The following LRP1B variants were observed in gnomAD, a reference collection of about 807,000 sequenced individuals.
LRP1B encodes low-density lipoprotein receptor-related protein 1B.
In LRP1B, 217 loss-of-function variants were observed where a neutral mutation model predicts 556.6. The ratio of observed to expected loss-of-function variants is 0.39; its 90% CI spans 0.35 to 0.44. The LOEUF (loss-of-function observed/expected upper bound fraction) is 0.44, where lower values mean the gene tolerates loss of function less well. LRP1B is among the 20% of genes least tolerant of loss of function. The probability of loss-of-function intolerance (pLI) is 1.00; values close to 1 mark genes in which losing one functional copy is unlikely to be tolerated. For synonymous variants in LRP1B, 2,047 were observed against 1,865.8 expected (o/e 1.10, Z -2.50); for missense variants, 5,053 against 5,620.8 (o/e 0.90, Z 3.23).
intron 2 of LRP1B, among the ~76,000 whole-genome samples, chr2:141,685,504 A>T (rs977946473): frequency 3.3e-5 from 5 of 152,098 alleles, no homozygotes; most frequent in Non-Finnish European, 7.4e-5. Flanking sequence ...ATAAGTACAC[A>T]TCTTAATTTC....
intron 2 of LRP1B, among the ~76,000 whole-genome samples, chr2:141,640,848 A>T (rs1689303466): frequency 6.6e-6 from 1 of 151,976 alleles, no homozygotes; most frequent in Non-Finnish European, 1.5e-5. Flanking sequence ...CTTGTACTCT[A>T]TTGGTTCTTC....
chr2:140,737,646 A>G (rs1447204630), intron 35 of LRP1B, among the ~76,000 whole-genome samples: 3 of 152,178 alleles, frequency 2.0e-5, no homozygotes. Flanking sequence ...CACTACCACC[A>G]CTATTCAACC....
chr2:140,593,023 T>C (rs1428975897), intron 43 of LRP1B, among the ~76,000 whole-genome samples: 1 of 152,044 alleles, frequency 6.6e-6, no homozygotes, highest in Admixed American at 6.6e-5. Flanking sequence ...AAATATCTCA[T>C]TACTTTCTGA....
chr2:142,023,331 C>T (rs1000401233), intron 1 of LRP1B, among the ~76,000 whole-genome samples: 1 of 152,038 alleles, frequency 6.6e-6, no homozygotes, highest in Non-Finnish European at 1.5e-5. Flanking sequence ...TATTGGTATC[C>T]GCGTATTCAT....
At chr2:140,717,661 G>A (rs1246510640) in intron 35 of LRP1B, among the ~76,000 whole-genome samples, 2 of 152,134 alleles carry the variant, frequency 1.3e-5, no homozygotes, top group Non-Finnish European at 2.9e-5. Context: ...AAATTTGCCA[G>A]CAACTAAGTA....
chr2:140,666,154 C>T (rs1009721228), intron 41 of LRP1B, among the ~76,000 whole-genome samples: 25 of 151,880 alleles, frequency 1.6e-4, no homozygotes, highest in Non-Finnish European at 1.6e-4. Flanking sequence ...CCACTGTGCC[C>T]GGCTAATTTT....
chr2:141,883,996 T>A (rs185635472), intron 1 of LRP1B, among the ~76,000 whole-genome samples: 1 of 152,290 alleles, frequency 6.6e-6, no homozygotes, highest in African/African-American at 2.4e-5. Flanking sequence ...ACCAAATTGT[T>A]TTTCATTTAC....
In LRP1B at chr2:140,886,265, G is replaced by T. The variant is rs1297456010; in HGVS notation, c.3837C>A (p.Asp1279Glu). The change falls in exon 24 of 91, where the codon GAC becomes GAA. Residue 1279 changes from aspartate to glutamate, a missense_variant. Coordinates refer to ENST00000389484, the MANE Select transcript of LRP1B (RefSeq NM_018557.3). ...TCAATCCAGGAACAAGTAGACTATA[G>T]TCTCTTTTGTGAAGATCAATCCTTC... is the stretch of plus-strand genomic sequence containing the variant. Reference protein sequence around the residue: ...EIRRIDLHKRDYSLLVPGLRN... With the variant: ...EIRRIDLHKREYSLLVPGLRN... 1.2e-6 allele frequency: 2 copies of T among 1,609,584 alleles called. No individual in the cohort carries two copies. Among genetic ancestry groups the T allele is most frequent in the East Asian group, 4.5e-5 (2 of 44,644 alleles).
At chr2:141,662,423 G>A (rs1690256284) in intron 2 of LRP1B, among the ~76,000 whole-genome samples, 1 of 152,040 alleles carries the variant, frequency 6.6e-6, no homozygotes. Flanking sequence ...AAAGTGCTGT[G>A]TCCAAGAGAC....
In LRP1B at chr2:141,407,133, T is replaced by C. The variant is rs947977589; in HGVS notation, c.343+73263A>G. On this transcript the variant is annotated intron_variant, in intron 3 of 90. Transcript: ENST00000389484. The stretch of plus-strand genomic sequence containing the variant: ...ACATACTTTTTGGGCTGTCAATAAA[T>C]AGAAACTTTTTTTGGTGAGGGATGC... Among the ~76,000 whole-genome samples, 23 of 4,162 alleles carry C rather than the reference T, an allele frequency of 5.5e-3. No individual in the cohort carries two copies. The Admixed American group carries it at 0.065, about 12-fold the overall frequency. The allele number at this position is 4,162 out of a possible 152,430, so 2.7% of individuals were successfully genotyped here. A position where few individuals can be genotyped will look rare whatever the true frequency, so the allele number is the denominator to read the frequency against.
At chr2:141,706,819 A>G (rs1198250623) in intron 2 of LRP1B, among the ~76,000 whole-genome samples, 1 of 152,120 alleles carries the variant, frequency 6.6e-6, no homozygotes, top group Admixed American at 6.6e-5. Context: ...CATTACATCT[A>G]CAAATTAATA....
intron 6 of LRP1B, among the ~76,000 whole-genome samples, chr2:141,191,967 A>T (rs1681533807): frequency 6.6e-6 from 1 of 151,898 alleles, no homozygotes; most frequent in Non-Finnish European, 1.5e-5. Context: ...CAGCATTCAT[A>T]CCTTCTCTCA....
chr2:141,675,202 T>A (rs114407382), intron 2 of LRP1B, among the ~76,000 whole-genome samples: 2 of 151,942 alleles, frequency 1.3e-5, no homozygotes, highest in Non-Finnish European at 2.9e-5. Context: ...ATTCTTAAAT[T>A]TTTGTTTTAT....
intron 1 of LRP1B, among the ~76,000 whole-genome samples, chr2:142,076,153 T>G (rs1420429646): frequency 6.6e-6 from 1 of 152,084 alleles, no homozygotes; most frequent in East Asian, 1.9e-4. Context: ...TGACAAACCA[T>G]TTTCTTAATA....
At chr2:141,633,103 T>A (rs143478101) in intron 2 of LRP1B, among the ~76,000 whole-genome samples, 237 of 152,238 alleles carry the variant, frequency 1.6e-3, no homozygotes, top group Non-Finnish European at 2.8e-3. Flanking sequence ...CTGTATCCCT[T>A]CTTTGATATT....
At chr2:141,627,495 A>T (rs1688743620) in intron 2 of LRP1B, among the ~76,000 whole-genome samples, 1 of 152,204 alleles carries the variant, frequency 6.6e-6, no homozygotes, top group African/African-American at 2.4e-5. Flanking sequence ...CTGCAGGCCA[A>T]CCAGCATCAC....
At chr2:141,428,416 T>A (rs4616418) in intron 3 of LRP1B, among the ~76,000 whole-genome samples, 69,579 of 151,614 alleles carry the variant, frequency 0.46, 16,084 homozygotes, top group South Asian at 0.6. Context: ...TAAGTATATT[T>A]AAAAAAAAAT....
chr2:141,784,073 G>T (rs1197361063), intron 2 of LRP1B, among the ~76,000 whole-genome samples: 4 of 151,886 alleles, frequency 2.6e-5, no homozygotes, highest in Admixed American at 6.6e-5. Flanking sequence ...GATCGCATTT[G>T]TTGGTACTTT....
chr2:140,859,743 C>T (rs1692731862), intron 27 of LRP1B, among the ~76,000 whole-genome samples: 1 of 152,138 alleles, frequency 6.6e-6, no homozygotes, highest in Admixed American at 6.5e-5. Flanking sequence ...GACTGTAATC[C>T]TAGCACTTTG....
Sources: gnomAD v4.1 joint callset for allele counts (sites outside exome capture counted in the v4.1 genomes callset) on GRCh38, gnomAD v4.1.1 for gene constraint, MANE v1.5 for transcripts, NCBI Gene and HGNC (gene_info 2026-07-23, HGNC 2026-07-21) for gene names.